ATP11A: variants seen among roughly 807,000 people sequenced by gnomAD.
The protein encoded by ATP11A is ATPase phospholipid transporting 11A.
A neutral mutation model predicts 154.4 loss-of-function variants in ATP11A; 81 were observed. The ratio of observed to expected loss-of-function variants is 0.52; its 90% confidence interval spans 0.44 to 0.63. ATP11A has a LOEUF of 0.63. ATP11A is among the 30% of genes least tolerant of loss of function. The pLI, the probability that ATP11A is intolerant of heterozygous loss-of-function variation, is 0.00. For missense variants in ATP11A, 1,316 were observed against 1,474.3 expected (o/e 0.89, Z 1.76); for synonymous variants, 623 against 585.9 (o/e 1.06, Z -0.91).
At chr13:112,870,021 C>T (rs1010598045) in intron 25 of ATP11A, among the ~76,000 whole-genome samples, 3 of 152,176 alleles carry the variant, frequency 2.0e-5, no homozygotes, top group Non-Finnish European at 4.4e-5. Flanking sequence ...GAAATGTCTC[C>T]ACCACGGCCA....
intron 20 of ATP11A, 136 bp from the exon 21 acceptor site, chr13:112,857,682 G>A (rs576635599): frequency 5.0e-5 from 34 of 684,646 alleles, no homozygotes; most frequent in Middle Eastern, 7.4e-4. Context: ...ACAGAATGTC[G>A]TAAATTACCT....
At chr13:112,801,139 A>T (rs1326348083) in intron 2 of ATP11A, among the ~76,000 whole-genome samples, 1 of 121,846 alleles carries the variant, frequency 8.2e-6, no homozygotes, top group Admixed American at 8.8e-5. Flanking sequence ...ATCCTAGCTA[A>T]TACAGTAAGA....
intron 2 of ATP11A, among the ~76,000 whole-genome samples, chr13:112,792,881 T>A (rs1315235025): frequency 6.6e-6 from 1 of 152,224 alleles, no homozygotes. Flanking sequence ...GGCTACAGAA[T>A]TAAATGTTGG....
At chr13:112,724,828 G>C (rs903763152) in intron 1 of ATP11A, among the ~76,000 whole-genome samples, 2 of 152,160 alleles carry the variant, frequency 1.3e-5, no homozygotes, top group African/African-American at 2.4e-5. Flanking sequence ...GAAGCATGCT[G>C]GGCACCGGAA....
intron 1 of ATP11A, among the ~76,000 whole-genome samples, chr13:112,713,200 G>A (rs1887964001): frequency 6.6e-6 from 1 of 152,136 alleles, no homozygotes. Context: ...TTTGAGACCG[G>A]CCTGGCCAAC....
At chr13:112,735,004 CAATT>C (rs752630493) in intron 1 of ATP11A, among the ~76,000 whole-genome samples, 3 of 152,028 alleles carry the variant, frequency 2.0e-5, no homozygotes, top group Non-Finnish European at 2.9e-5. Context: ...GTAGCTGACA[CAATT>C]AAACACAACA....
intron 1 of ATP11A, among the ~76,000 whole-genome samples, chr13:112,707,432 A>G (rs78454126): frequency 0.013 from 1,988 of 151,106 alleles, 12 homozygotes; most frequent in Non-Finnish European, 0.022. Context: ...AAAAAAAAAA[A>G]AAGAAGAAGA....
At chr13:112,791,926 C>T (rs1048224547) in intron 2 of ATP11A, among the ~76,000 whole-genome samples, 1 of 152,120 alleles carries the variant, frequency 6.6e-6, no homozygotes, top group Non-Finnish European at 1.5e-5. Context: ...ACGCACAGAC[C>T]GGGGTCAACA....
At chr13:112,756,907 G>A (rs2076854034) in intron 1 of ATP11A, among the ~76,000 whole-genome samples, 1 of 152,110 alleles carries the variant, frequency 6.6e-6, no homozygotes, top group Non-Finnish European at 1.5e-5. Context: ...CCCAGCGCGG[G>A]GCCTGCTCCT....
intron 1 of ATP11A, among the ~76,000 whole-genome samples, chr13:112,782,924 C>T (rs892200199): frequency 3.9e-5 from 6 of 152,240 alleles, no homozygotes; most frequent in African/African-American, 1.4e-4. Context: ...AGCATGGAAG[C>T]CTCGGCTCCC....
At chr13:112,841,989 T>G (rs1287219537) in intron 16 of ATP11A, among the ~76,000 whole-genome samples, 1 of 152,224 alleles carries the variant, frequency 6.6e-6, no homozygotes, top group Non-Finnish European at 1.5e-5. Context: ...TTTTGTCCCC[T>G]TTCGTGTCTT....
At chr13:112,720,607 G>C (rs1889044588) in intron 1 of ATP11A, among the ~76,000 whole-genome samples, 1 of 152,108 alleles carries the variant, frequency 6.6e-6, no homozygotes, top group Admixed American at 6.6e-5. Context: ...CGCCAGGCTG[G>C]AGTACAGTGG....
rs34662024 is a variant in ATP11A at position 112,856,348 on chromosome 13, T to TAA, written c.2418+278_2418+279dup. 792 of 175,686 alleles carry TAA rather than the reference T, an allele frequency of 4.5e-3. 6 individuals are homozygous for TAA. Among genetic ancestry groups the TAA allele is most frequent in the African/African-American group, 0.011 (435 of 39,006 alleles). 10.9% of individuals were successfully genotyped at this position (175,686 alleles called of 1,614,324 possible). A position where few individuals can be genotyped will look rare whatever the true frequency, so the allele number is the denominator to read the frequency against. ...GACAGCTGCCCTGGCTGACTTCTGT[T>TAA]AAAAAAAAAAAAAAAAGCTATCTCA... On this transcript the variant is annotated intron_variant, in intron 20 of 29. Coordinates refer to ENST00000375645, the MANE Select transcript of ATP11A (RefSeq NM_015205.3).
chr13:112,785,338 G>C lies in ATP11A; in HGVS notation c.162+81G>C, dbSNP rs951076401. ...GGTGTTAGTGCTTCTCGGTTTCAAA[G>C]AGCGGCTCTGCTCCTGGCCCTGCTG... is the stretch of plus-strand genomic sequence containing the variant. On this transcript the variant is annotated intron_variant, in intron 2 of 29. Coordinates refer to ENST00000375645, the MANE Select transcript of ATP11A (RefSeq NM_015205.3). The surrounding 1 kb of genome is among the most constrained non-coding windows in gnomAD (Gnocchi z 4.8). The C allele has an allele frequency of 1.6e-5, 21 of 1,335,258 alleles. No individual in the cohort carries two copies. Among genetic ancestry groups the C allele is most frequent in the Non-Finnish European group, 1.8e-5 (19 of 1,031,536 alleles). The allele number at this position is 1,335,258 out of a possible 1,614,324, so 82.7% of individuals were successfully genotyped here.
At chr13:112,758,920 C>T (rs385656) in intron 1 of ATP11A, among the ~76,000 whole-genome samples, 30,547 of 152,116 alleles carry the variant, frequency 0.2, 3,495 homozygotes, top group African/African-American at 0.31. Flanking sequence ...GGCTTTAGAA[C>T]GTACAGTTTT....
intron 17 of ATP11A, 119 bp from the exon 18 acceptor site, chr13:112,850,918 G>T (rs1001834175): frequency 6.7e-6 from 6 of 891,110 alleles, no homozygotes; most frequent in African/African-American, 5.0e-5. Context: ...TTTTGAAAGG[G>T]TTACAATTCT....
intron 16 of ATP11A, among the ~76,000 whole-genome samples, chr13:112,840,030 C>CT (rs2140282061): frequency 6.6e-6 from 1 of 152,220 alleles, no homozygotes; most frequent in South Asian, 2.1e-4. Flanking sequence ...AACTGAGACT[C>CT]TGTGGTCACA....
rs2080899477 is a variant in ATP11A at position 112,882,036 on chromosome 13, C to G, written c.*170C>G. ...AGTTCCATCCCAAGTCACAGCTGCC[C>G]TAGGTCCCGTGTGGGAATGCTCGTG... On this transcript the variant is annotated 3_prime_UTR_variant, in exon 30 of 30. Transcript: ENST00000375645. The surrounding 1 kb of genome is among the most constrained non-coding windows in gnomAD (Gnocchi z 5.1). The G allele has an allele frequency of 7.3e-7, 1 of 1,367,776 alleles. No individual in the cohort carries two copies. The highest frequency in any genetic ancestry group is 9.8e-7 in the Non-Finnish European group (1 of 1,021,960). 84.7% of individuals were successfully genotyped at this position (1,367,776 alleles called of 1,614,324 possible). A position where few individuals can be genotyped will look rare whatever the true frequency, so the allele number is the denominator to read the frequency against.
At chr13:112,773,774 GC>G (rs1341259564) in intron 1 of ATP11A, among the ~76,000 whole-genome samples, 2 of 152,264 alleles carry the variant, frequency 1.3e-5, no homozygotes, top group Non-Finnish European at 2.9e-5. Context: ...ACCTGCCAAC[GC>G]CCCGCGTGTG....
Sources: allele counts gnomAD v4.1 joint callset (sites outside exome capture counted in the v4.1 genomes callset), GRCh38; gene constraint gnomAD v4.1.1; non-coding constraint Gnocchi (gnomAD v3.1); transcripts MANE v1.5; gene names NCBI Gene and HGNC (gene_info 2026-07-23, HGNC 2026-07-21).